HOMEZ: variants seen among roughly 807,000 people sequenced by gnomAD.
HOMEZ encodes the protein homeobox and leucine zipper protein Homez.
In HOMEZ, 20 loss-of-function variants were observed where a neutral mutation model predicts 50.1. The observed-to-expected ratio is 0.40, with a 90% confidence interval of 0.28 to 0.58. The LOEUF (loss-of-function observed/expected upper bound fraction) is 0.58, where lower values mean the gene tolerates loss of function less well. Ranked by LOEUF, HOMEZ falls within the 20% of genes least tolerant of loss-of-function variation. The pLI is 0.46. For missense variants in HOMEZ, 579 were observed against 680.5 expected (o/e 0.85, Z 1.66); for synonymous variants, 239 against 254.7 (o/e 0.94, Z 0.59).
intron 1 of HOMEZ, among the ~76,000 whole-genome samples, chr14:23,278,161 C>G (rs1886410486): frequency 6.7e-6 from 1 of 148,724 alleles, no homozygotes; most frequent in African/African-American, 2.5e-5. Context: ...TAATATTGCT[C>G]TGTCACCCAG....
In HOMEZ at chr14:23,286,049, GA is replaced by G; in HGVS notation, c.-98del. The G allele has an allele frequency of 5.7e-6, 7 of 1,231,726 alleles. No individual in the cohort carries two copies. Among genetic ancestry groups the G allele is most frequent in the Non-Finnish European group, 7.1e-6 (7 of 987,424 alleles). The allele number at this position is 1,231,726 out of a possible 1,614,324, so 76.3% of individuals were successfully genotyped here. A position where few individuals can be genotyped will look rare whatever the true frequency, so the allele number is the denominator to read the frequency against. On this transcript the variant is annotated 5_prime_UTR_variant, in exon 1 of 2. Coordinates refer to ENST00000357460, the MANE Select transcript of HOMEZ (RefSeq NM_020834.3). ...CTCCGAGCCCACCCCAGCGATGGCC[GA>G]AACCGGGACTGCCCCCCCCACCGTC...
At position 23,274,857 on chromosome 14, in the gene HOMEZ, G is replaced by A. The variant is rs1370664789; in HGVS notation, c.*718C>T. 1.3e-5 allele frequency: 2 copies of A among 151,490 alleles called. No homozygotes were observed. Among genetic ancestry groups the A allele is most frequent in the Non-Finnish European group, 2.9e-5 (2 of 68,042 alleles). The allele number at this position is 151,490 out of a possible 1,614,324, so 9.4% of individuals were successfully genotyped here. Reference sequence around the variant, plus strand: ...GGAGGCGGAGCTTGCAGTGAGCTGAGATTGCGCCATTGCACTACAGCCTGG... The same window carrying A: ...GGAGGCGGAGCTTGCAGTGAGCTGAAATTGCGCCATTGCACTACAGCCTGG... On this transcript the variant is annotated 3_prime_UTR_variant, in exon 2 of 2. Coordinates refer to ENST00000357460, the MANE Select transcript of HOMEZ (RefSeq NM_020834.3).
rs1485219065 is a variant in HOMEZ, at chr14:23,273,794, G to A, written c.*1781C>T. 2 of 152,232 alleles carry A rather than the reference G, an allele frequency of 1.3e-5. No homozygotes were observed. The highest frequency in any genetic ancestry group is 2.9e-5 in the Non-Finnish European group (2 of 68,038). 9.4% of individuals were successfully genotyped at this position (152,232 alleles called of 1,614,324 possible). A position where few individuals can be genotyped will look rare whatever the true frequency, so the allele number is the denominator to read the frequency against. The stretch of plus-strand genomic sequence containing the variant: ...AAGGGCCTGTCCTGTAGCAAATGGA[G>A]TTACCTCCAAGACTGTTGTATCTCT... On this transcript the variant is annotated 3_prime_UTR_variant, in exon 2 of 2. Transcript: ENST00000357460.
At chr14:23,280,711 T>TTTATTTTATTTTA (rs1555323555) in intron 1 of HOMEZ, among the ~76,000 whole-genome samples, 3 of 34,378 alleles carry the variant, frequency 8.7e-5, no homozygotes, top group African/African-American at 2.5e-4. Flanking sequence ...ATATTTTTAT[T>TTTATTTTATTTTA]TTTATTTTAT....
At chr14:23,280,694 T>TA (rs1555323497) in intron 1 of HOMEZ, among the ~76,000 whole-genome samples, 1 of 118,548 alleles carries the variant, frequency 8.4e-6, no homozygotes, top group African/African-American at 3.1e-5. Flanking sequence ...ATTTTATTTT[T>TA]ATTTTTATAT....
chr14:23,272,654 T>C lies in HOMEZ; in HGVS notation c.*2921A>G, dbSNP rs1886192771. The stretch of plus-strand genomic sequence containing the variant: ...GTTCCAGAGATTGTCACACTAGATG[T>C]AGCAAATCCTAGTTTGGAAAAGTTA... On this transcript the variant is annotated 3_prime_UTR_variant, in exon 2 of 2. Coordinates refer to ENST00000357460, the MANE Select transcript of HOMEZ (RefSeq NM_020834.3). 4.8e-6 allele frequency: 3 copies of C among 631,052 alleles called. No homozygotes were observed. The highest frequency in any genetic ancestry group is 5.6e-5 in the East Asian group (2 of 35,632). The allele number at this position is 631,052 out of a possible 1,614,324, so 39.1% of individuals were successfully genotyped here.
chr14:23,278,964 C>T (rs774061535), intron 1 of HOMEZ, among the ~76,000 whole-genome samples: 27 of 151,442 alleles, frequency 1.8e-4, no homozygotes, highest in East Asian at 1.9e-4. Context: ...GCGTGAGCCA[C>T]GGCGCCTGGC....
At chr14:23,283,560 G>A (rs759698953) in intron 1 of HOMEZ, among the ~76,000 whole-genome samples, 9 of 152,096 alleles carry the variant, frequency 5.9e-5, no homozygotes, top group Non-Finnish European at 1.3e-4. Context: ...TAGAACTTTA[G>A]GTTTGAACCT....
rs752539901 is a variant in HOMEZ, at chr14:23,275,491, T to C, written c.*84A>G. 1 of 1,459,740 alleles carries C rather than the reference T, an allele frequency of 6.9e-7. No homozygotes were observed. The highest frequency in any genetic ancestry group is 2.5e-5 in the East Asian group (1 of 40,160). 90.4% of individuals were successfully genotyped at this position (1,459,740 alleles called of 1,614,324 possible). ...TTTTAGTTCTCTGCCACAAGGTAAT[T>C]TTAAAAATGTGGTTTCTTTGTTTAA... On this transcript the variant is annotated 3_prime_UTR_variant, in exon 2 of 2. Coordinates refer to ENST00000357460, the MANE Select transcript of HOMEZ (RefSeq NM_020834.3).
chr14:23,276,068 T>C lies in HOMEZ; in HGVS notation c.1160A>G (p.Gln387Arg), dbSNP rs1268316302. The C allele has an allele frequency of 4.3e-6, 7 of 1,613,876 alleles. No individual in the cohort carries two copies. In the African/African-American group the frequency reaches 8.0e-5, roughly 18 times the overall value. ...TAAACCAGTGATCTGTTCTAACTTT[T>C]GGTAATCCTCACGCCGTGCCCACTG... ...QCQWARREDY[Q>R]KLEQITGLPR... is the part of the protein sequence containing the mutation. Residue 387 changes from glutamine to arginine, a missense_variant, in exon 2 of 2, where the codon CAA (glutamine) becomes CGA (arginine). Coordinates refer to ENST00000357460, the MANE Select transcript of HOMEZ (RefSeq NM_020834.3). This position sits in a 1 kb window ranked among gnomAD's most constrained non-coding sequence, Gnocchi z 4.1.
In HOMEZ at chr14:23,276,174, G is replaced by A. The variant is rs267603949; in HGVS notation, c.1054C>T (p.Pro352Ser). 3 of 1,613,954 alleles carry A rather than the reference G, an allele frequency of 1.9e-6. No individual in the cohort carries two copies. The highest frequency in any genetic ancestry group is 2.5e-6 in the Non-Finnish European group (3 of 1,179,858). Residue 352 changes from proline (P) to serine (S), a missense_variant, in exon 2 of 2, where the codon CCA becomes TCA. Transcript: ENST00000357460. The surrounding 1 kb of genome is among the most constrained non-coding windows in gnomAD (Gnocchi z 4.1). The stretch of plus-strand genomic sequence containing the variant: ...GTCTTTCGCTGGCGTTGCATATCTG[G>A]GGAAAGGTACTCTGTGGGGCCAACT... ...GRVGPTEYLSPDMQRQRKTKR... is the reference protein window; with the variant it reads ...GRVGPTEYLSSDMQRQRKTKR...
In HOMEZ at chr14:23,275,467, T is replaced by G. The variant is rs564890572; in HGVS notation, c.*108A>C. The stretch of plus-strand genomic sequence containing the variant: ...ACCCACCCTGAAGAACACAAAGCTT[T>G]TTAGTTCTCTGCCACAAGGTAATTT... On this transcript the variant is annotated 3_prime_UTR_variant, in exon 2 of 2. Coordinates refer to ENST00000357460, the MANE Select transcript of HOMEZ (RefSeq NM_020834.3). The G allele has an allele frequency of 6.4e-6, 9 of 1,415,272 alleles. 1 individual carries two copies. Among genetic ancestry groups the G allele is most frequent in the Non-Finnish European group, 8.5e-6 (9 of 1,065,034 alleles). The allele number at this position is 1,415,272 out of a possible 1,614,324, so 87.7% of individuals were successfully genotyped here. A position where few individuals can be genotyped will look rare whatever the true frequency, so the allele number is the denominator to read the frequency against.
chr14:23,280,772 TATTTTA>T (rs1886531994), intron 1 of HOMEZ, among the ~76,000 whole-genome samples: 1 of 131,884 alleles, frequency 7.6e-6, no homozygotes, highest in African/African-American at 2.8e-5. Flanking sequence ...TATTTTATTT[TATTTTA>T]TTTTATTTTA....
rs1390045336 is a variant in HOMEZ, at chr14:23,276,523, C to G, written c.705G>C (p.Arg235Ser). The change falls in exon 2 of 2, where the codon AGG (arginine) becomes AGC (serine). Residue 235 changes from arginine to serine, a missense_variant. Coordinates refer to ENST00000357460, the MANE Select transcript of HOMEZ (RefSeq NM_020834.3). The surrounding 1 kb of genome is among the most constrained non-coding windows in gnomAD (Gnocchi z 4.1). ...SSGLSKEQAG[R>S]GPNQSHGIGT... Reference sequence around the variant, plus strand: ...CTATGCCATGTGACTGGTTGGGACCCCTGCCTGCCTGCTCCTTTGAGAGGC... The same window carrying G: ...CTATGCCATGTGACTGGTTGGGACCGCTGCCTGCCTGCTCCTTTGAGAGGC... 24 of 1,613,882 alleles carry G rather than the reference C, an allele frequency of 1.5e-5. No homozygotes were observed. Among genetic ancestry groups the G allele is most frequent in the Non-Finnish European group, 1.9e-5 (22 of 1,179,880 alleles).
intron 1 of HOMEZ, among the ~76,000 whole-genome samples, chr14:23,281,805 T>TAATAA (rs1555323761): frequency 9.5e-6 from 1 of 105,520 alleles, no homozygotes; most frequent in East Asian, 2.6e-4. Context: ...CTACAAATAA[T>TAATAA]AATAATAATA....
Position 23,272,772 on chromosome 14 carries a change from C to G in HOMEZ, c.*2803G>C. The G allele has an allele frequency of 1.7e-6, 2 of 1,185,378 alleles. No homozygotes were observed. The highest frequency in any genetic ancestry group is 5.0e-4 in the Middle Eastern group (2 of 4,034). The allele number at this position is 1,185,378 out of a possible 1,614,324, so 73.4% of individuals were successfully genotyped here. On this transcript the variant is annotated 3_prime_UTR_variant, in exon 2 of 2. Transcript: ENST00000357460. ...CAACAGGTCAGAGAGACTTGCTTGC[C>G]CTTTTTGCTGTTATAAACACCCACA...
chr14:23,285,776 T>C, intron 1 of HOMEZ, 137 bp downstream of exon 1: 1 of 466,576 alleles, frequency 2.1e-6, no homozygotes, highest in East Asian at 3.5e-5. Context: ...AACCGAAAAG[T>C]CCAGAGGAGA....
chr14:23,280,784 T>TTTTATTTTA (rs1566451376), intron 1 of HOMEZ, among the ~76,000 whole-genome samples: 1 of 134,258 alleles, frequency 7.4e-6, no homozygotes, highest in Non-Finnish European at 1.6e-5. Context: ...TTTTATTTTA[T>TTTTATTTTA]TTTATTTGGA....
At chr14:23,284,516 GT>G (rs1886620864) in intron 1 of HOMEZ, among the ~76,000 whole-genome samples, 1 of 152,126 alleles carries the variant, frequency 6.6e-6, no homozygotes, top group South Asian at 2.1e-4. Context: ...CCTGGGGCCA[GT>G]TTTGTGTGAT....
Sources: allele counts gnomAD v4.1 joint callset (sites outside exome capture counted in the v4.1 genomes callset), GRCh38; gene constraint gnomAD v4.1.1; non-coding constraint Gnocchi (gnomAD v3.1); transcripts MANE v1.5; gene names NCBI Gene and HGNC (gene_info 2026-07-23, HGNC 2026-07-21).